NEDD4L: variants seen among roughly 807,000 people sequenced by gnomAD.
NEDD4L encodes NEDD4 like E3 ubiquitin protein ligase, also known as E3 ubiquitin-protein ligase NEDD4-like.
In NEDD4L, 54 loss-of-function variants were observed where a neutral mutation model predicts 148.9. That is an observed-to-expected ratio of 0.36 (90% CI 0.29 to 0.45). The LOEUF (loss-of-function observed/expected upper bound fraction) is 0.45, where lower values mean the gene tolerates loss of function less well. Among genes scored for constraint, NEDD4L ranks in the 20% least tolerant of loss-of-function variants. NEDD4L has a pLI of 1.00. For synonymous variants in NEDD4L, 433 were observed against 440.7 expected, an observed-to-expected ratio of 0.98 and a Z score of 0.22; for missense variants, 856 against 1,233.8, an observed-to-expected ratio of 0.69 and a Z score of 4.59.
intron 2 of NEDD4L, among the ~76,000 whole-genome samples, chr18:58,236,897 A>T (rs2046095052): frequency 1.3e-5 from 2 of 151,568 alleles, no homozygotes; most frequent in South Asian, 4.2e-4. Context: ...GTGGCGCATG[A>T]CTGTAATCCC....
intron 24 of NEDD4L, among the ~76,000 whole-genome samples, chr18:58,375,510 C>G (rs1028715804): frequency 1.3e-5 from 2 of 152,094 alleles, no homozygotes; most frequent in Non-Finnish European, 2.9e-5. Flanking sequence ...CTGGCATTAC[C>G]CTCTGACACC....
rs1392480208 is a variant in NEDD4L at position 58,340,290 on chromosome 18, G to T, written c.1126-748G>T. Among the ~76,000 whole-genome samples, 8 of 152,090 alleles carry T rather than the reference G, an allele frequency of 5.3e-5. No homozygotes were observed. The East Asian group carries it at 1.2e-3, about 22-fold the overall frequency. The stretch of plus-strand genomic sequence containing the variant: ...CAGGGATCTTCTTGTGATCAAATGT[G>T]GACTGTCTAAATACAGTCACTCTAT... On this transcript the variant is annotated intron_variant, in intron 13 of 30. Coordinates refer to ENST00000400345, the MANE Select transcript of NEDD4L (RefSeq NM_001144967.3).
At chr18:58,309,228 T>G (rs1383654141) in intron 5 of NEDD4L, among the ~76,000 whole-genome samples, 1 of 152,126 alleles carries the variant, frequency 6.6e-6, no homozygotes, top group Non-Finnish European at 1.5e-5. Context: ...GCATGGACCT[T>G]TTAGTCAGCG....
intron 16 of NEDD4L, among the ~76,000 whole-genome samples, chr18:58,344,415 C>A (rs964849829): frequency 1.3e-5 from 2 of 152,276 alleles, no homozygotes; most frequent in Non-Finnish European, 2.9e-5. Context: ...CTACCAGGTG[C>A]TAATGGTCAC....
chr18:58,044,312 G>A lies in NEDD4L; in HGVS notation c.-349G>A, dbSNP rs1232928999. The A allele has an allele frequency of 6.5e-6, 1 of 153,792 alleles. No individual in the cohort carries two copies. Among genetic ancestry groups the A allele is most frequent in the East Asian group, 1.9e-4 (1 of 5,246 alleles). The allele number at this position is 153,792 out of a possible 1,614,324, so 9.5% of individuals were successfully genotyped here. A position where few individuals can be genotyped will look rare whatever the true frequency, so the allele number is the denominator to read the frequency against. On this transcript the variant is annotated 5_prime_UTR_variant, in exon 1 of 31. Transcript: ENST00000400345. ...GAGGAGGCTCGGAGGGGGGCGGAGA[G>A]CGGCGGGGCGGGAGGGAGGCGCGGG...
At chr18:58,115,646 T>C (rs1185209396) in intron 1 of NEDD4L, among the ~76,000 whole-genome samples, 3 of 152,164 alleles carry the variant, frequency 2.0e-5, no homozygotes, top group African/African-American at 2.4e-5. Context: ...ATTGACTTAC[T>C]CTCTCCCGTT....
chr18:58,088,963 G>C (rs1045915395), intron 1 of NEDD4L, among the ~76,000 whole-genome samples: 4 of 152,076 alleles, frequency 2.6e-5, no homozygotes, highest in African/African-American at 9.7e-5. Flanking sequence ...ATGTGCCCCA[G>C]ATATGGCACT....
chr18:58,255,424 A>G (rs1026959463), intron 5 of NEDD4L: 33 of 1,014,638 alleles, frequency 3.3e-5, no homozygotes, highest in Non-Finnish European at 4.2e-5. Context: ...CCTCTGTCAC[A>G]GTGTGGATGA....
rs1370975653 is a variant in NEDD4L, at chr18:58,335,327, C to A, written c.1066-151C>A. The A allele has an allele frequency of 1.6e-5, 10 of 623,114 alleles. No homozygotes were observed. In the East Asian group the frequency reaches 2.8e-4, roughly 18 times the overall value. 38.6% of individuals were successfully genotyped at this position (623,114 alleles called of 1,614,324 possible). A position where few individuals can be genotyped will look rare whatever the true frequency, so the allele number is the denominator to read the frequency against. On this transcript the variant is annotated intron_variant, in intron 12 of 30. Transcript: ENST00000400345. ...CTTCCTTTGTGCTACTGGTCATCAG[C>A]GACTGCTGGCTTTGTCTGGATAGGG...
intron 2 of NEDD4L, among the ~76,000 whole-genome samples, chr18:58,240,815 TTATG>T (rs61543959): frequency 1.3e-5 from 2 of 150,790 alleles, no homozygotes; most frequent in Admixed American, 6.6e-5. Context: ...CAGCTAACAT[TTATG>T]TATGTATGTA....
At chr18:58,221,835 T>A in intron 2 of NEDD4L, 2 of 543,568 alleles carry the variant, frequency 3.7e-6, no homozygotes, top group South Asian at 7.9e-5. Flanking sequence ...GATGTTGGTT[T>A]AATACTGTTT....
At chr18:58,293,232 TG>T (rs377291305) in intron 5 of NEDD4L, among the ~76,000 whole-genome samples, 2 of 152,220 alleles carry the variant, frequency 1.3e-5, no homozygotes, top group African/African-American at 4.8e-5. Flanking sequence ...TTTCTTCAGG[TG>T]GGGGGATAAT....
At chr18:58,144,729 G>A (rs975462463) in intron 1 of NEDD4L, among the ~76,000 whole-genome samples, 6 of 152,202 alleles carry the variant, frequency 3.9e-5, no homozygotes, top group South Asian at 2.1e-4. Context: ...TCTCCCTCGC[G>A]TGTACCGCAC....
chr18:58,165,475 T>C (rs1217559729), intron 1 of NEDD4L, among the ~76,000 whole-genome samples: 1 of 152,230 alleles, frequency 6.6e-6, no homozygotes, highest in Non-Finnish European at 1.5e-5. Context: ...TGGTTTTTTG[T>C]GTATGATTGT....
rs760673143 is a variant in NEDD4L, at chr18:58,383,281, A to G, written c.2388A>G (p.Glu796=). 5 of 1,543,830 alleles carry G rather than the reference A, an allele frequency of 3.2e-6. No individual in the cohort carries two copies. The East Asian group carries it at 1.2e-4, about 37-fold the overall frequency. The change falls in exon 25 of 31, where the codon GAA becomes GAG. Residue 796 remains glutamate, a synonymous_variant. Coordinates refer to ENST00000400345, the MANE Select transcript of NEDD4L (RefSeq NM_001144967.3). ...TGGATTTGAAGCCCAATGGGTCAGA[A>G]ATAATGGTCACAAATGAAAACAAAA... ...YQVDLKPNGS[E]IMVTNENKRE... is the part of the protein sequence containing the mutation.
chr18:58,049,253 A>T (rs538082965), intron 1 of NEDD4L, among the ~76,000 whole-genome samples: 1 of 152,332 alleles, frequency 6.6e-6, no homozygotes, highest in South Asian at 2.1e-4. Flanking sequence ...GCTCTTAAAT[A>T]GGCATTAGCA....
chr18:58,094,245 C>T (rs1396929131), intron 1 of NEDD4L, among the ~76,000 whole-genome samples: 2 of 151,238 alleles, frequency 1.3e-5, no homozygotes, highest in Non-Finnish European at 2.9e-5. Context: ...AGTGTGGTGG[C>T]GCGATCATAG....
At chr18:58,132,032 C>G (rs1034281978) in intron 1 of NEDD4L, among the ~76,000 whole-genome samples, 5 of 152,200 alleles carry the variant, frequency 3.3e-5, no homozygotes, top group African/African-American at 1.2e-4. Flanking sequence ...CATTCTCTTT[C>G]CTTTACAGCT....
chr18:58,255,631 C>G lies in NEDD4L; in HGVS notation c.297+3577C>G, dbSNP rs75531649. 90 of 1,232,530 alleles carry G rather than the reference C, an allele frequency of 7.3e-5. No homozygotes were observed. The African/African-American group carries it at 1.3e-3, about 18-fold the overall frequency. The allele number at this position is 1,232,530 out of a possible 1,614,324, so 76.3% of individuals were successfully genotyped here. On this transcript the variant is annotated intron_variant, in intron 5 of 30. Transcript: ENST00000400345. ...CGCTTGCCCTAGCCCTCCTGGCCCC[C>G]CTGGTCACCATGGCCCATCGGCTTC... is the stretch of plus-strand genomic sequence containing the variant.
Sources: allele counts gnomAD v4.1 joint callset (sites outside exome capture counted in the v4.1 genomes callset), GRCh38; gene constraint gnomAD v4.1.1; transcripts MANE v1.5; gene names NCBI Gene and HGNC (gene_info 2026-07-23, HGNC 2026-07-21).